Variants in SH3RF3 observed in about 807,000 individuals in gnomAD.
SH3RF3 encodes the protein SH3 domain containing ring finger 3, also known as E3 ubiquitin-protein ligase SH3RF3.
Under a neutral mutation model 66.3 loss-of-function variants are expected in SH3RF3, and 29 were observed. The observed-to-expected ratio is 0.44, with a 90% CI of 0.33 to 0.60. The LOEUF is 0.60. SH3RF3 is among the 20% of genes least tolerant of loss of function. SH3RF3 has a pLI of 0.04. For missense variants in SH3RF3, 1,194 were observed against 1,190.9 expected, an observed-to-expected ratio of 1.00 and a Z score of -0.04; for synonymous variants, 583 against 532.0, an observed-to-expected ratio of 1.10 and a Z score of -1.32.
At chr2:109,315,532 G>A (rs961476557) in intron 1 of SH3RF3, among the ~76,000 whole-genome samples, 7 of 152,232 alleles carry the variant, frequency 4.6e-5, no homozygotes, top group African/African-American at 1.2e-4. Flanking sequence ...ACGACCATCC[G>A]TTTTTGGTGT....
At chr2:109,285,053 G>A (rs1680997845) in intron 1 of SH3RF3, among the ~76,000 whole-genome samples, 1 of 152,252 alleles carries the variant, frequency 6.6e-6, no homozygotes, top group Admixed American at 6.5e-5. Context: ...TCCATGGCCG[G>A]CCACACAGCC....
intron 8 of SH3RF3, among the ~76,000 whole-genome samples, chr2:109,462,826 C>T (rs1476824576): frequency 6.6e-6 from 1 of 152,164 alleles, no homozygotes; most frequent in East Asian, 1.9e-4. Flanking sequence ...AGATAAAACT[C>T]CACTGATCAC....
At chr2:109,234,654 T>C (rs1679600916) in intron 1 of SH3RF3, among the ~76,000 whole-genome samples, 1 of 152,264 alleles carries the variant, frequency 6.6e-6, no homozygotes, top group African/African-American at 2.4e-5. Flanking sequence ...CACAGGGCTC[T>C]GCTTCTTGTT....
intron 9 of SH3RF3, among the ~76,000 whole-genome samples, chr2:109,499,139 G>A (rs1215167130): frequency 6.6e-6 from 1 of 152,088 alleles, no homozygotes; most frequent in East Asian, 1.9e-4. Flanking sequence ...GCAGCCGCCA[G>A]GACCAGGAGC....
chr2:109,283,145 G>T (rs1413652289), intron 1 of SH3RF3, among the ~76,000 whole-genome samples: 1 of 152,170 alleles, frequency 6.6e-6, no homozygotes, highest in Non-Finnish European at 1.5e-5. Flanking sequence ...AATGCCCAGG[G>T]TACAGCCCAG....
At chr2:109,439,505 G>A (rs1006832941) in intron 7 of SH3RF3, among the ~76,000 whole-genome samples, 2 of 152,160 alleles carry the variant, frequency 1.3e-5, no homozygotes, top group African/African-American at 4.8e-5. Flanking sequence ...CCCCAACCCC[G>A]ATGGGTGGGA....
At chr2:109,355,172 G>A (rs1293080581) in intron 2 of SH3RF3, among the ~76,000 whole-genome samples, 2 of 152,164 alleles carry the variant, frequency 1.3e-5, no homozygotes, top group Admixed American at 6.5e-5. Flanking sequence ...GAAAGTCTAC[G>A]GGCCCACAGT....
chr2:109,224,190 G>A (rs1679318740), intron 1 of SH3RF3, among the ~76,000 whole-genome samples: 9 of 152,204 alleles, frequency 5.9e-5, no homozygotes, highest in Admixed American at 5.9e-4. Flanking sequence ...GCAAATGGAG[G>A]GGGTGTGGGC....
At chr2:109,386,224 G>A (rs1241710180) in intron 3 of SH3RF3, among the ~76,000 whole-genome samples, 1 of 152,182 alleles carries the variant, frequency 6.6e-6, no homozygotes, top group East Asian at 1.9e-4. Context: ...CCAGGCTTCC[G>A]GCCTTCTCCC....
At chr2:109,376,820 C>A (rs1472632957) in intron 3 of SH3RF3, among the ~76,000 whole-genome samples, 1 of 152,240 alleles carries the variant, frequency 6.6e-6, no homozygotes, top group Non-Finnish European at 1.5e-5. Context: ...AGACAGCCAG[C>A]ATCTCAGCAT....
At chr2:109,414,290 A>G (rs1329827837) in intron 4 of SH3RF3, among the ~76,000 whole-genome samples, 1 of 152,014 alleles carries the variant, frequency 6.6e-6, no homozygotes, top group African/African-American at 2.4e-5. Context: ...GGGTTGTCTG[A>G]CTTCATACTC....
rs938455085 is a variant in SH3RF3, at chr2:109,464,094, C to T, written c.2148+14605C>T. 3.9e-5 allele frequency among the ~76,000 whole-genome samples: 6 copies of T among 152,240 alleles called. No homozygotes were observed. In the East Asian group the frequency reaches 7.7e-4, roughly 20 times the overall value. ...GCCAGCCCCCACACTGCCAGCAGGC[C>T]GGGCTGCAGCATTTTTACAGGGGAT... is the stretch of plus-strand genomic sequence containing the variant. On this transcript the variant is annotated intron_variant, in intron 8 of 9. Coordinates refer to ENST00000309415, the MANE Select transcript of SH3RF3 (RefSeq NM_001099289.3).
chr2:109,199,025 A>G (rs1397343723), intron 1 of SH3RF3, among the ~76,000 whole-genome samples: 1 of 152,100 alleles, frequency 6.6e-6, no homozygotes, highest in African/African-American at 2.4e-5. Context: ...TGGTGGCCTT[A>G]AGCACCGTCT....
chr2:109,343,144 GT>G (rs1682595580), intron 1 of SH3RF3, among the ~76,000 whole-genome samples: 1 of 152,094 alleles, frequency 6.6e-6, no homozygotes, highest in Admixed American at 6.5e-5. Flanking sequence ...AGGCCTCCAG[GT>G]TGCTGCCGTG....
At chr2:109,316,276 C>G (rs1681878791) in intron 1 of SH3RF3, among the ~76,000 whole-genome samples, 1 of 152,124 alleles carries the variant, frequency 6.6e-6, no homozygotes, top group Non-Finnish European at 1.5e-5. Flanking sequence ...TGCTGTGGGC[C>G]TCGGTCCAGG....
At chr2:109,163,885 G>C (rs1013153597) in intron 1 of SH3RF3, among the ~76,000 whole-genome samples, 1 of 152,164 alleles carries the variant, frequency 6.6e-6, no homozygotes, top group Non-Finnish European at 1.5e-5. Flanking sequence ...GACCAAGTAT[G>C]AATGAAAGAA....
intron 8 of SH3RF3, among the ~76,000 whole-genome samples, chr2:109,471,206 CAAAAAAAAAAA>C (rs61224177): frequency 2.5e-5 from 1 of 40,166 alleles, no homozygotes; most frequent in Non-Finnish European, 6.5e-5. Flanking sequence ...GACTCTGTCT[CAAAAAAAAAAA>C]AAAAAAAAAA....
chr2:109,450,773 G>T (rs575458396), intron 8 of SH3RF3, among the ~76,000 whole-genome samples: 2 of 152,316 alleles, frequency 1.3e-5, no homozygotes, highest in South Asian at 4.1e-4. Context: ...GTTGGGCTGG[G>T]TGCTGGGCAA....
intron 1 of SH3RF3, chr2:109,141,374 A>G (rs1294420102): frequency 1.3e-5 from 2 of 152,566 alleles, no homozygotes; most frequent in Admixed American, 6.6e-5. Context: ...CAACTTGCTC[A>G]GTGATGAGTG....
Sources: gnomAD v4.1 joint callset for allele counts (sites outside exome capture counted in the v4.1 genomes callset) on GRCh38, gnomAD v4.1.1 for gene constraint, MANE v1.5 for transcripts, NCBI Gene and HGNC (gene_info 2026-07-23, HGNC 2026-07-21) for gene names.